The following FBXO42 variants were observed in gnomAD, a reference collection of about 807,000 sequenced individuals.
FBXO42 encodes the protein F-box protein 42.
Under a neutral mutation model 71.7 loss-of-function variants are expected in FBXO42, and 12 were observed. The observed-to-expected ratio is 0.17, with a 90% CI of 0.11 to 0.27. The LOEUF (loss-of-function observed/expected upper bound fraction) is 0.27. FBXO42 is among the 10% of genes least tolerant of loss of function. The probability of loss-of-function intolerance (pLI) is 1.00; values close to 1 mark genes in which losing one functional copy is unlikely to be tolerated. For missense variants in FBXO42, 707 were observed against 911.9 expected (o/e 0.78, Z 2.89); for synonymous variants, 325 against 327.5 (o/e 0.99, Z 0.08).
chr1:16,269,488 G>A (rs1447779726), intron 4 of FBXO42, among the ~76,000 whole-genome samples: 1 of 151,718 alleles, frequency 6.6e-6, no homozygotes, highest in East Asian at 1.9e-4. Flanking sequence ...TTCCTGAGTA[G>A]CTGAAATTAT....
intron 1 of FBXO42, among the ~76,000 whole-genome samples, chr1:16,325,356 G>A (rs1450648058): frequency 6.6e-6 from 1 of 151,894 alleles, no homozygotes; most frequent in Non-Finnish European, 1.5e-5. Context: ...CTACATTAAC[G>A]AAGCATATAA....
Position 16,315,333 on chromosome 1 carries a change from T to C in FBXO42, c.86A>G (p.Asp29Gly), listed in dbSNP as rs1294662642. 6.2e-7 allele frequency: 1 copy of C among 1,614,044 alleles called. No homozygotes were observed. The highest frequency in any genetic ancestry group is 8.5e-7 in the Non-Finnish European group (1 of 1,180,032). The change falls in exon 2 of 10, where the codon GAT becomes GGT. Residue 29 changes from aspartate to glycine, a missense_variant. Physicochemically the swap from Asp to Gly is moderately conservative, Grantham distance 94. Around this residue, in one of 5 missense-constraint regions of FBXO42, gnomAD observed 188 missense variants for 230.5 expected, o/e 0.82. Transcript: ENST00000375592. ...CTCCAATACTGGGTGGGGCTCCTCA[T>C]CTTGATCCATTGTCCCTTCCAGCAC... is the stretch of plus-strand genomic sequence containing the variant. Reference protein sequence around the residue: ...ETVLEGTMDQDEEPHPVLEAE... With the variant: ...ETVLEGTMDQGEEPHPVLEAE...
intron 4 of FBXO42, among the ~76,000 whole-genome samples, chr1:16,288,871 T>G (rs969175810): frequency 5.9e-5 from 9 of 151,940 alleles, no homozygotes; most frequent in South Asian, 2.1e-4. Flanking sequence ...AACACAAGAA[T>G]TGCTTGAACC....
intron 4 of FBXO42, among the ~76,000 whole-genome samples, chr1:16,282,568 G>C (rs1354197333): frequency 1.3e-5 from 2 of 151,694 alleles, no homozygotes; most frequent in African/African-American, 4.8e-5. Context: ...TCCATGACCA[G>C]GTGCAGTGGC....
rs139727320 is a variant in FBXO42 at position 16,251,594 on chromosome 1, T to C, written c.1230A>G (p.Thr410=). Residue 410 remains threonine (T), a synonymous_variant, in exon 10 of 10, where the codon ACA becomes ACG. Coordinates refer to ENST00000375592, the MANE Select transcript of FBXO42 (RefSeq NM_018994.3). This position sits in a 1 kb window ranked among gnomAD's most constrained non-coding sequence, Gnocchi z 4.5. ...EAPCVNGRWG[T]LRPRAQRQTP... ...TCTGCCTTTGAGCCCTGGGTCTCAG[T>C]GTTCCCCAGCGGCCGTTAACACAAG... 8.1e-6 allele frequency: 13 copies of C among 1,614,016 alleles called. No homozygotes were observed. Among genetic ancestry groups the C allele is most frequent in the African/African-American group, 4.0e-5 (3 of 74,908 alleles).
chr1:16,301,786 T>A (rs968040494), intron 3 of FBXO42, among the ~76,000 whole-genome samples: 1 of 151,988 alleles, frequency 6.6e-6, no homozygotes, highest in Non-Finnish European at 1.5e-5. Flanking sequence ...ATCATCCTAC[T>A]TTTTTACAGC....
chr1:16,325,582 C>T (rs2082442182), intron 1 of FBXO42, among the ~76,000 whole-genome samples: 1 of 152,106 alleles, frequency 6.6e-6, no homozygotes. Context: ...AATTAAGATT[C>T]CCTTAATAAA....
At position 16,247,789 on chromosome 1, in the gene FBXO42, A is replaced by G. The variant is rs547068829; in HGVS notation, c.*2881T>C. 6.6e-6 allele frequency: 1 copy of G among 152,304 alleles called. No homozygotes were observed. Among genetic ancestry groups the G allele is most frequent in the Admixed American group, 6.5e-5 (1 of 15,294 alleles). 9.4% of individuals were successfully genotyped at this position (152,304 alleles called of 1,614,324 possible). ...TCCACCAACCAAATGAAGGGTGGAA[A>G]TAGGAATGAAAACACAAAACCCGCT... On this transcript the variant is annotated 3_prime_UTR_variant, in exon 10 of 10. Transcript: ENST00000375592.
chr1:16,288,304 C>T (rs1169792970), intron 4 of FBXO42, among the ~76,000 whole-genome samples: 2 of 152,006 alleles, frequency 1.3e-5, no homozygotes, highest in African/African-American at 2.4e-5. Flanking sequence ...GTGGCACATG[C>T]CTGTAACCCC....
At chr1:16,282,097 T>C (rs1049792168) in intron 4 of FBXO42, among the ~76,000 whole-genome samples, 1 of 152,060 alleles carries the variant, frequency 6.6e-6, no homozygotes, top group African/African-American at 2.4e-5. Context: ...CATCACATAC[T>C]CACCTAATTT....
chr1:16,312,053 G>T (rs2082317694), intron 2 of FBXO42, among the ~76,000 whole-genome samples: 1 of 151,948 alleles, frequency 6.6e-6, no homozygotes, highest in South Asian at 2.1e-4. Context: ...AAAAAGCTAA[G>T]AAATCATGAA....
At chr1:16,328,564 T>C (rs1221301486) in intron 1 of FBXO42, among the ~76,000 whole-genome samples, 9 of 152,176 alleles carry the variant, frequency 5.9e-5, no homozygotes, top group Admixed American at 5.2e-4. Flanking sequence ...GATGAACTCA[T>C]GTTTAAATAG....
At chr1:16,261,574 AC>A (rs1047895403) in intron 4 of FBXO42, among the ~76,000 whole-genome samples, 19 of 152,076 alleles carry the variant, frequency 1.2e-4, no homozygotes, top group African/African-American at 4.6e-4. Context: ...TCAATTGTAT[AC>A]CCCCACCTCA....
intron 5 of FBXO42, 143 bp from the exon 6 acceptor site, chr1:16,255,964 G>GTATT (rs1266357662): frequency 6.4e-6 from 4 of 622,476 alleles, no homozygotes; most frequent in Non-Finnish European, 1.1e-5. Flanking sequence ...ATGGCATAAT[G>GTATT]TATTTATGCC....
chr1:16,275,136 G>T (rs769015457), intron 4 of FBXO42, among the ~76,000 whole-genome samples: 4 of 152,056 alleles, frequency 2.6e-5, no homozygotes, highest in Non-Finnish European at 5.9e-5. Context: ...TCAATAGCAA[G>T]AAACATTCTG....
At chr1:16,265,884 C>T (rs1225820946) in intron 4 of FBXO42, among the ~76,000 whole-genome samples, 2 of 151,868 alleles carry the variant, frequency 1.3e-5, no homozygotes, top group Non-Finnish European at 2.9e-5. Context: ...GCTCTGAGTA[C>T]AGGTGTCTTA....
intron 1 of FBXO42, among the ~76,000 whole-genome samples, chr1:16,344,000 T>G (rs2082632439): frequency 6.6e-6 from 1 of 151,196 alleles, no homozygotes; most frequent in South Asian, 2.1e-4. Context: ...AAAGGGATCT[T>G]TTTTTTATTT....
At chr1:16,331,990 G>A (rs1238427330) in intron 1 of FBXO42, among the ~76,000 whole-genome samples, 2 of 151,734 alleles carry the variant, frequency 1.3e-5, no homozygotes, top group East Asian at 3.9e-4. Flanking sequence ...TGAAGGTTGT[G>A]TTGAGCCGAG....
At chr1:16,336,336 T>A (rs2082552866) in intron 1 of FBXO42, among the ~76,000 whole-genome samples, 1 of 151,926 alleles carries the variant, frequency 6.6e-6, no homozygotes, top group Non-Finnish European at 1.5e-5. Flanking sequence ...TATGATCCTT[T>A]ATTCTTGCTG....
Sources: allele counts gnomAD v4.1 joint callset (sites outside exome capture counted in the v4.1 genomes callset), GRCh38; gene constraint gnomAD v4.1.1; regional missense constraint gnomAD v4.1.1; non-coding constraint Gnocchi (gnomAD v3.1); transcripts MANE v1.5; gene names NCBI Gene and HGNC (gene_info 2026-07-23, HGNC 2026-07-21).